The following LINGO1 variants were observed in gnomAD, a reference collection of about 807,000 sequenced individuals.
The protein encoded by LINGO1 is leucine-rich repeat and immunoglobulin-like domain-containing nogo receptor-interacting protein 1.
A neutral mutation model predicts 37.3 loss-of-function variants in LINGO1; 11 were observed. The ratio of observed to expected loss-of-function variants is 0.29; its 90% CI spans 0.19 to 0.49. The LOEUF (loss-of-function observed/expected upper bound fraction) is 0.49. Among genes scored for constraint, LINGO1 ranks in the 20% least tolerant of loss-of-function variants. The pLI is 0.99. For synonymous variants in LINGO1, 387 were observed against 403.0 expected, an observed-to-expected ratio of 0.96 and a Z score of 0.48; for missense variants, 585 against 878.2, an observed-to-expected ratio of 0.67 and a Z score of 4.22.
chr15:77,719,150 G>C (rs2076019192), intron 2 of LINGO1, among the ~76,000 whole-genome samples: 1 of 149,782 alleles, frequency 6.7e-6, no homozygotes, highest in Non-Finnish European at 1.5e-5. Context: ...TCCCTCCCAG[G>C]GGCACCTCCT....
chr15:77,748,967 G>A (rs2076344112), intron 1 of LINGO1, among the ~76,000 whole-genome samples: 1 of 139,142 alleles, frequency 7.2e-6, no homozygotes, highest in South Asian at 2.4e-4. Flanking sequence ...GAGTGCACTG[G>A]CGTGATATTG....
At chr15:77,756,981 C>T (rs1163889875) in intron 1 of LINGO1, among the ~76,000 whole-genome samples, 1 of 152,172 alleles carries the variant, frequency 6.6e-6, no homozygotes, top group Non-Finnish European at 1.5e-5. Context: ...GGTTTCCCCA[C>T]CCATACCTTC....
intron 2 of LINGO1, among the ~76,000 whole-genome samples, chr15:77,690,000 C>A (rs2075575860): frequency 6.6e-6 from 1 of 152,168 alleles, no homozygotes; most frequent in Admixed American, 6.5e-5. Context: ...GGTGAGAAAA[C>A]TGAAGCTCAG....
At chr15:77,809,269 C>T (rs2076984196) in intron 1 of LINGO1, among the ~76,000 whole-genome samples, 1 of 152,212 alleles carries the variant, frequency 6.6e-6, no homozygotes, top group Non-Finnish European at 1.5e-5. Context: ...CAAAGGCAAG[C>T]ACCAAAACCC....
rs181533043 is a variant in LINGO1, at chr15:77,668,753, C to A, written c.-13+8336G>T. ...GTACGGTATTCAACACACATATACA[C>A]ACACACAGGGGAGCTGCCCTGGGGA... On this transcript the variant is annotated intron_variant, in intron 3 of 3. Transcript: ENST00000559893. Among the ~76,000 whole-genome samples the A allele has an allele frequency of 1.6e-3, 246 of 151,832 alleles. 1 individual carries two copies. The highest frequency in any genetic ancestry group is 5.0e-3 in the African/African-American group (205 of 41,372).
intron 1 of LINGO1, among the ~76,000 whole-genome samples, chr15:77,782,212 TACAC>T (rs56734688): frequency 0.17 from 25,150 of 149,900 alleles, 2,659 homozygotes; most frequent in African/African-American, 0.31. Flanking sequence ...TGCGCACGCG[TACAC>T]ACACACACAC....
At chr15:77,711,013 G>C (rs1208559571) in intron 2 of LINGO1, among the ~76,000 whole-genome samples, 2 of 152,214 alleles carry the variant, frequency 1.3e-5, no homozygotes, top group East Asian at 3.9e-4. Context: ...TTCTGTTCCA[G>C]TGGGGCACCT....
chr15:77,672,209 C>T (rs1169642488), intron 3 of LINGO1, among the ~76,000 whole-genome samples: 5 of 150,942 alleles, frequency 3.3e-5, no homozygotes, highest in East Asian at 1.9e-4. Context: ...GACTCAGTGC[C>T]GCCTCCCTCT....
chr15:77,674,385 T>A (rs1053211916), intron 3 of LINGO1, among the ~76,000 whole-genome samples: 2 of 152,142 alleles, frequency 1.3e-5, no homozygotes, highest in Non-Finnish European at 2.9e-5. Context: ...AAAATGTAAT[T>A]CCAATCATGC....
At chr15:77,697,656 G>T (rs544144906), upstream of LINGO1, among the ~76,000 whole-genome samples, 3 of 152,344 alleles carry the variant, frequency 2.0e-5, no homozygotes, top group East Asian at 5.8e-4. Flanking sequence ...CCTGAGCAGG[G>T]TGTGGGGTGG....
intron 3 of LINGO1, chr15:77,646,459 G>A (rs529428972): frequency 4.4e-6 from 2 of 455,960 alleles, no homozygotes; most frequent in Admixed American, 2.4e-5. Flanking sequence ...AGACACTGGT[G>A]TGACTCATAG....
At chr15:77,786,433 C>T (rs2076771611) in intron 1 of LINGO1, among the ~76,000 whole-genome samples, 1 of 152,176 alleles carries the variant, frequency 6.6e-6, no homozygotes, top group Non-Finnish European at 1.5e-5. Context: ...TTCTCCCCTC[C>T]CTGGTGGCCC....
At chr15:77,670,067 A>T (rs977212189) in intron 3 of LINGO1, among the ~76,000 whole-genome samples, 1 of 152,220 alleles carries the variant, frequency 6.6e-6, no homozygotes, top group African/African-American at 2.4e-5. Flanking sequence ...AGCCTTAAAA[A>T]CTGTGTGCTG....
chr15:77,670,967 A>C (rs2141204106), intron 3 of LINGO1, among the ~76,000 whole-genome samples: 1 of 152,256 alleles, frequency 6.6e-6, no homozygotes, highest in African/African-American at 2.4e-5. Context: ...TTGCTCACAC[A>C]GCCTTTGCTC....
intron 1 of LINGO1, among the ~76,000 whole-genome samples, chr15:77,692,005 G>A (rs960871462): frequency 6.6e-5 from 10 of 152,330 alleles, no homozygotes; most frequent in Non-Finnish European, 1.3e-4. Flanking sequence ...CGTGCTCCTG[G>A]CTCCATGGAG....
rs1165797447 is a variant in LINGO1, at chr15:77,717,325, G to C, written c.-195+17667C>G. On this transcript the variant is annotated intron_variant, in intron 2 of 3. Transcript: ENST00000561686. Reference sequence around the variant, plus strand: ...ATCATAAAATAGACACGTAAATACAGTGGAGGTGAGGGGGGGCAGCCCCCA... The same window carrying C: ...ATCATAAAATAGACACGTAAATACACTGGAGGTGAGGGGGGGCAGCCCCCA... Among the ~76,000 whole-genome samples the C allele has an allele frequency of 2.7e-5, 4 of 150,904 alleles. 1 individual carries two copies. The highest frequency in any genetic ancestry group is 4.4e-5 in the Non-Finnish European group (3 of 67,630).
At chr15:77,647,774 C>T (rs567752627) in intron 3 of LINGO1, 6 of 442,644 alleles carry the variant, frequency 1.4e-5, no homozygotes, top group African/African-American at 1.0e-4. Context: ...TTCCCTCTCA[C>T]CCCTCTCTCT....
At chr15:77,779,476 CT>C in intron 1 of LINGO1, among the ~76,000 whole-genome samples, 1 of 152,144 alleles carries the variant, frequency 6.6e-6, no homozygotes, top group African/African-American at 2.4e-5. Context: ...GAGCTTTGAG[CT>C]TTTTTTCCTG....
chr15:77,773,103 A>T (rs2076602392), intron 1 of LINGO1, among the ~76,000 whole-genome samples: 1 of 152,196 alleles, frequency 6.6e-6, no homozygotes, highest in Non-Finnish European at 1.5e-5. Context: ...TGGCTGTGGA[A>T]AGGCCAGAGA....
Sources: gnomAD v4.1 joint callset for allele counts (sites outside exome capture counted in the v4.1 genomes callset) on GRCh38, gnomAD v4.1.1 for gene constraint, MANE v1.5 for transcripts, NCBI Gene and HGNC (gene_info 2026-07-23, HGNC 2026-07-21) for gene names.